Variants in NKX2-1 observed in about 807,000 individuals in gnomAD.
NKX2-1 encodes the protein homeobox protein Nkx-2.1.
Under a neutral mutation model 35.1 loss-of-function variants are expected in NKX2-1, and 9 were observed. The observed-to-expected ratio is 0.26, with a 90% CI of 0.15 to 0.45. The LOEUF (loss-of-function observed/expected upper bound fraction) is 0.45. NKX2-1 is among the 20% of genes least tolerant of loss of function. The pLI, the probability that NKX2-1 is intolerant of heterozygous loss-of-function variation, is 1.00. For synonymous variants in NKX2-1, 284 were observed against 269.9 expected, an observed-to-expected ratio of 1.05 and a Z score of -0.51; for missense variants, 509 against 589.1, an observed-to-expected ratio of 0.86 and a Z score of 1.41.
rs1228750236 is a variant in NKX2-1 at position 36,516,603 on chromosome 14, A to G, written c.*675T>C. 4.3e-6 allele frequency: 1 copy of G among 232,998 alleles called. No homozygotes were observed. The highest frequency in any genetic ancestry group is 6.1e-5 in the East Asian group (1 of 16,524). The allele number at this position is 232,998 out of a possible 1,614,324, so 14.4% of individuals were successfully genotyped here. On this transcript the variant is annotated 3_prime_UTR_variant, in exon 3 of 3. Transcript: ENST00000354822. ...TGGGAGTGGTTTTTCTTTTTACAAC[A>G]AAATGTACAGATTACTAAAAACTAG...
Position 36,519,472 on chromosome 14 carries a change from A to G in NKX2-1, c.78-102T>C. 1.9e-6 allele frequency: 3 copies of G among 1,551,864 alleles called. No homozygotes were observed. In the South Asian group the frequency reaches 3.6e-5, roughly 19 times the overall value. ...TGCCAAATATTCTGGTGTTACCTTA[A>G]CGCCGATCTTGTTGGATGTACACGT... On this transcript the variant is annotated intron_variant, in intron 1 of 2. Coordinates refer to ENST00000354822, the MANE Select transcript of NKX2-1 (RefSeq NM_001079668.3).
rs1421473238 is a variant in NKX2-1, at chr14:36,519,191, T to A, written c.257A>T (p.His86Leu). Residue 86 changes from histidine to leucine, a missense_variant, in exon 2 of 3, where the codon CAC (histidine) becomes CTC (leucine). Transcript: ENST00000354822. ...AAPPTAAMQQ[H>L]AVGHHGAVTA... The stretch of plus-strand genomic sequence containing the variant: ...GACGGCGCCGTGGTGCCCCACGGCG[T>A]GCTGCTGCATGGCCGCTGTTGGCGG... 1.2e-6 allele frequency: 2 copies of A among 1,603,346 alleles called. No homozygotes were observed. Among genetic ancestry groups the A allele is most frequent in the South Asian group, 1.1e-5 (1 of 90,136 alleles).
Position 36,517,526 on chromosome 14 carries a change from C to T in NKX2-1, c.958G>A (p.Ala320Thr). The T allele has an allele frequency of 7.1e-7, 1 of 1,411,066 alleles. No individual in the cohort carries two copies. The highest frequency in any genetic ancestry group is 9.2e-7 in the Non-Finnish European group (1 of 1,090,700). The allele number at this position is 1,411,066 out of a possible 1,614,324, so 87.4% of individuals were successfully genotyped here. ...TGCGCGGCCTGCGCCTGGTGCTGCG[C>T]CTGCTGCTGCGCGTGGCCTTGTAGG... Reference protein sequence around the residue: ...ASLQGHAQQQAQHQAQAAQAA... With the variant: ...ASLQGHAQQQTQHQAQAAQAA... The change falls in exon 3 of 3, where the codon GCG becomes ACG. Residue 320 changes from alanine to threonine, a missense_variant. Ala to Thr is a moderately conservative substitution (Grantham distance 58, BLOSUM62 0). Around this residue, in one of 5 missense-constraint regions of NKX2-1, gnomAD observed 212 missense variants for 227.7 expected, o/e 0.93. Transcript: ENST00000354822.
chr14:36,518,895 C>T, intron 2 of NKX2-1, 90 bp downstream of exon 2: 1 of 1,379,306 alleles, frequency 7.3e-7, no homozygotes, highest in Non-Finnish European at 9.3e-7. Flanking sequence ...ATGCCCAGCG[C>T]GCAGCCTGCC....
At position 36,519,721 on chromosome 14, in the gene NKX2-1, CAAAG is replaced by C. The variant is rs1213237688; in HGVS notation, c.77+328_77+331del. 6.0e-6 allele frequency: 9 copies of C among 1,495,936 alleles called. No individual in the cohort carries two copies. In the Admixed American group the frequency reaches 6.1e-5, roughly 10 times the overall value. 92.7% of individuals were successfully genotyped at this position (1,495,936 alleles called of 1,614,324 possible). ...TTCACTTGTCAGGATTTTTAGGTCT[CAAAG>C]AGAGAGAGAGAGAGGCAGAGACGAG... On this transcript the variant is annotated intron_variant, in intron 1 of 2. Coordinates refer to ENST00000354822, the MANE Select transcript of NKX2-1 (RefSeq NM_001079668.3).
At position 36,519,289 on chromosome 14, in the gene NKX2-1, G is replaced by A. The variant is rs759516181; in HGVS notation, c.159C>T (p.Ser53=). 2 of 1,612,958 alleles carry A rather than the reference G, an allele frequency of 1.2e-6. No homozygotes were observed. The highest frequency in any genetic ancestry group is 3.3e-5 in the Admixed American group (2 of 60,012). Residue 53 remains serine, a synonymous_variant, in exon 2 of 3, where the codon AGC becomes AGT. Transcript: ENST00000354822. The part of the protein sequence containing the change: ...VSDILSPLEE[S]YKKVGMEGGG... ...CGCCCTCCATGCCCACTTTCTTGTA[G>A]CTTTCCTCCAGGGGACTCAAGATGT...
At position 36,516,576 on chromosome 14, in the gene NKX2-1, A is replaced by C. The variant is rs894520368; in HGVS notation, c.*702T>G. The C allele has an allele frequency of 4.3e-6, 1 of 233,050 alleles. No individual in the cohort carries two copies. The highest frequency in any genetic ancestry group is 8.5e-6 in the Non-Finnish European group (1 of 117,780). The allele number at this position is 233,050 out of a possible 1,614,324, so 14.4% of individuals were successfully genotyped here. ...CCATAAAAAATGTGAAGGGCTGGGG[A>C]CTGGGAGTGGTTTTTCTTTTTACAA... On this transcript the variant is annotated 3_prime_UTR_variant, in exon 3 of 3. Transcript: ENST00000354822.
chr14:36,518,585 C>A (rs953184702), intron 2 of NKX2-1, among the ~76,000 whole-genome samples: 1 of 152,140 alleles, frequency 6.6e-6, no homozygotes, highest in Non-Finnish European at 1.5e-5. Flanking sequence ...GAGAGAGGGC[C>A]GGGCCGGGCG....
rs749986225 is a variant in NKX2-1, at chr14:36,520,122, G to C, written c.8C>G (p.Ser3Cys). The C allele has an allele frequency of 6.2e-7, 1 of 1,613,082 alleles. No individual in the cohort carries two copies. Among genetic ancestry groups the C allele is most frequent in the East Asian group, 2.2e-5 (1 of 44,856 alleles). MW[S>C]GGSGKARGWE... ...GCCCCGCGCCTTCCCACTGCCTCCG[G>C]ACCACATCGGGCTTCGCTGCGCTGA... The change falls in exon 1 of 3, where the codon TCC (serine) becomes TGC (cysteine). Residue 3 changes from serine (S) to cysteine (C), a missense_variant. Physicochemically the swap from Ser to Cys is moderately radical, Grantham distance 112. Around this residue, in one of 5 missense-constraint regions of NKX2-1, gnomAD observed 271 missense variants for 284.1 expected, o/e 0.95. Transcript: ENST00000354822.
rs1276125971 is a variant in NKX2-1, at chr14:36,516,882, T to G, written c.*396A>C. 1 of 240,690 alleles carries G rather than the reference T, an allele frequency of 4.2e-6. No homozygotes were observed. The highest frequency in any genetic ancestry group is 8.0e-6 in the Non-Finnish European group (1 of 124,632). 14.9% of individuals were successfully genotyped at this position (240,690 alleles called of 1,614,324 possible). A position where few individuals can be genotyped will look rare whatever the true frequency, so the allele number is the denominator to read the frequency against. On this transcript the variant is annotated 3_prime_UTR_variant, in exon 3 of 3. Coordinates refer to ENST00000354822, the MANE Select transcript of NKX2-1 (RefSeq NM_001079668.3). ...CTTTGCTGGCAGAGTGTGCCCAGAGTGAAGTTTGGTCTTTAGAGTCCAGAG... is the reference window on the plus strand; with the variant it reads ...CTTTGCTGGCAGAGTGTGCCCAGAGGGAAGTTTGGTCTTTAGAGTCCAGAG...
In NKX2-1 at chr14:36,519,915, G is replaced by C. The variant is rs985857904; in HGVS notation, c.77+138C>G. On this transcript the variant is annotated intron_variant, in intron 1 of 2. Coordinates refer to ENST00000354822, the MANE Select transcript of NKX2-1 (RefSeq NM_001079668.3). ...GTAACAGAGGAGGAGAGATGGTTGA[G>C]AGGAAGGAAGGTGAATGCTGCTTTG... is the stretch of plus-strand genomic sequence containing the variant. 3 of 1,340,604 alleles carry C rather than the reference G, an allele frequency of 2.2e-6. No homozygotes were observed. The Admixed American group carries it at 6.1e-5, about 27-fold the overall frequency. 83.0% of individuals were successfully genotyped at this position (1,340,604 alleles called of 1,614,324 possible). A position where few individuals can be genotyped will look rare whatever the true frequency, so the allele number is the denominator to read the frequency against.
At chr14:36,519,511 G>A (rs1881243929) in intron 1 of NKX2-1, 141 bp from the exon 2 acceptor site, 1 of 1,537,998 alleles carries the variant, frequency 6.5e-7, no homozygotes, top group Non-Finnish European at 8.7e-7. Context: ...GGAGTGGACC[G>A]AGTCCTCCTT....
chr14:36,518,094 C>A lies in NKX2-1; in HGVS notation c.464-74G>T, dbSNP rs1490560061. ...CCACCCCTGTTTTCCGCGCCATTGG[C>A]CCGCCCGGCCCGCCCCAACCGACGG... On this transcript the variant is annotated intron_variant, in intron 2 of 2. Coordinates refer to ENST00000354822, the MANE Select transcript of NKX2-1 (RefSeq NM_001079668.3). The A allele has an allele frequency of 6.5e-6, 10 of 1,545,176 alleles. No individual in the cohort carries two copies. The South Asian group carries it at 8.1e-5, about 13-fold the overall frequency.
intron 1 of NKX2-1, chr14:36,519,737 G>A: frequency 6.7e-7 from 1 of 1,493,072 alleles, no homozygotes; most frequent in South Asian, 1.3e-5. Flanking sequence ...GAGAGAGAGA[G>A]AGGCAGAGAC....
chr14:36,519,528 C>A, intron 1 of NKX2-1, 158 bp from the exon 2 acceptor site: 1 of 1,536,248 alleles, frequency 6.5e-7, no homozygotes, highest in Non-Finnish European at 8.7e-7. Flanking sequence ...CCTTAATTGG[C>A]TTGAGTGGAG....
Position 36,519,249 on chromosome 14 carries a change from G to A in NKX2-1, c.199C>T (p.Pro67Ser), listed in dbSNP as rs182071645. ...TGGCCCTGCCTGTACGCCGCCAGCG[G>A]AGCCCCGAGGCCGCCGCCCTCCATG... ...VGMEGGGLGA[P>S]LAAYRQGQAA... The change falls in exon 2 of 3, where the codon CCG becomes TCG. Residue 67 changes from proline to serine, a missense_variant. Pro to Ser is a moderately conservative substitution (Grantham distance 74, BLOSUM62 -1). This residue lies in a region of NKX2-1 where 271 missense variants were observed against 284.1 expected (regional missense o/e 0.95). Coordinates refer to ENST00000354822, the MANE Select transcript of NKX2-1 (RefSeq NM_001079668.3). 4 of 1,610,198 alleles carry A rather than the reference G, an allele frequency of 2.5e-6. No individual in the cohort carries two copies. The African/African-American group carries it at 5.3e-5, about 21-fold the overall frequency.
At chr14:36,519,780 AC>A in intron 1 of NKX2-1, 6 of 1,426,010 alleles carry the variant, frequency 4.2e-6, no homozygotes, top group South Asian at 1.5e-5. Context: ...TCCCTTGGAC[AC>A]CCCCACCCCC....
Position 36,517,117 on chromosome 14 carries a change from A to C in NKX2-1, c.*161T>G. On this transcript the variant is annotated 3_prime_UTR_variant, in exon 3 of 3. Transcript: ENST00000354822. Reference sequence around the variant, plus strand: ...GGGGGGGAAAAAAAGAAAGACGTCCAGCAGTTTGGCCTTTGTGGTTTTTTT... The same window carrying C: ...GGGGGGGAAAAAAAGAAAGACGTCCCGCAGTTTGGCCTTTGTGGTTTTTTT... The C allele has an allele frequency of 3.2e-6, 4 of 1,233,770 alleles. No homozygotes were observed. Among genetic ancestry groups the C allele is most frequent in the Non-Finnish European group, 4.3e-6 (4 of 932,980 alleles). The allele number at this position is 1,233,770 out of a possible 1,614,324, so 76.4% of individuals were successfully genotyped here.
intron 1 of NKX2-1, chr14:36,519,727 G>A: frequency 6.9e-7 from 1 of 1,448,640 alleles, no homozygotes; most frequent in East Asian, 2.7e-5. Context: ...GTCTCAAAGA[G>A]AGAGAGAGAG....
Sources: allele counts gnomAD v4.1 joint callset (sites outside exome capture counted in the v4.1 genomes callset), GRCh38; gene constraint gnomAD v4.1.1; regional missense constraint gnomAD v4.1.1; transcripts MANE v1.5; gene names NCBI Gene and HGNC (gene_info 2026-07-23, HGNC 2026-07-21).